The following IVD variants were observed in gnomAD, a reference collection of about 807,000 sequenced individuals.
IVD encodes isovaleryl-CoA dehydrogenase, also known as isovaleryl-CoA dehydrogenase, mitochondrial.
Under a neutral mutation model 51.3 loss-of-function variants are expected in IVD, and 31 were observed. The ratio of observed to expected loss-of-function variants is 0.60; its 90% CI spans 0.45 to 0.81. IVD has a LOEUF of 0.81. Ranked by LOEUF, IVD falls within the 40% of genes least tolerant of loss-of-function variation. The pLI is 0.00. For missense variants in IVD, 475 were observed against 552.0 expected (o/e 0.86, Z 1.40); for synonymous variants, 205 against 219.4 (o/e 0.93, Z 0.58).
At chr15:40,425,440 C>CTATATATATATA (rs72252183), downstream of IVD, among the ~76,000 whole-genome samples, 118 of 137,838 alleles carry the variant, frequency 8.6e-4, no homozygotes, top group African/African-American at 3.1e-3. Context: ...TGGACTCATA[C>CTATATATATATA]TATATATATA....
Position 40,410,502 on chromosome 15 carries a change from C to G in IVD, c.287-126C>G, listed in dbSNP as rs972275093. The G allele has an allele frequency of 3.6e-6, 4 of 1,112,916 alleles. No individual in the cohort carries two copies. In the South Asian group the frequency reaches 5.1e-5, roughly 14 times the overall value. 68.9% of individuals were successfully genotyped at this position (1,112,916 alleles called of 1,614,324 possible). A position where few individuals can be genotyped will look rare whatever the true frequency, so the allele number is the denominator to read the frequency against. ...CTGTGGCATCAGCTTATTCTTGTTG[C>G]TAGAGAGAATTTGGAGTAGGTGCTA... On this transcript the variant is annotated intron_variant, in intron 3 of 11. Coordinates refer to ENST00000487418, the MANE Select transcript of IVD (RefSeq NM_002225.5).
chr15:40,415,961 C>T, intron 9 of IVD, 117 bp from the exon 10 acceptor site: 1 of 872,558 alleles, frequency 1.1e-6, no homozygotes, highest in South Asian at 1.4e-5. Context: ...TAAATCCCAT[C>T]TCCTCTCCAT....
intron 7 of IVD, 190 bp from the exon 8 acceptor site, chr15:40,414,699 G>A: frequency 1.1e-6 from 1 of 936,578 alleles, no homozygotes. Context: ...TGGGAGTCCT[G>A]GCAGCTCCAC....
rs1325854341 is a variant in IVD at position 40,420,147 on chromosome 15, G to A, written c.*1884G>A. The A allele has an allele frequency of 3.0e-5, 28 of 947,904 alleles. 1 individual carries two copies. Among genetic ancestry groups the A allele is most frequent in the Middle Eastern group, 5.4e-4 (1 of 1,864 alleles). 58.7% of individuals were successfully genotyped at this position (947,904 alleles called of 1,614,324 possible). ...AATGAACACACATGCTGCTGAGTCCGCAGGGGGGGCAGAGCAGAGGACAGC... is the reference window on the plus strand; with the variant it reads ...AATGAACACACATGCTGCTGAGTCCACAGGGGGGGCAGAGCAGAGGACAGC... On this transcript the variant is annotated 3_prime_UTR_variant, in exon 12 of 12. Coordinates refer to ENST00000487418, the MANE Select transcript of IVD (RefSeq NM_002225.5).
At chr15:40,433,177 T>C (rs1476792398) in intron 7 of IVD, among the ~76,000 whole-genome samples, 1 of 152,184 alleles carries the variant, frequency 6.6e-6, no homozygotes, top group Admixed American at 6.5e-5. Context: ...CTATTTTATA[T>C]GTTAAATGCC....
intron 6 of IVD, 29 bp from the exon 7 acceptor site, chr15:40,412,962 A>G: frequency 1.2e-6 from 2 of 1,600,804 alleles, no homozygotes; most frequent in Non-Finnish European, 1.7e-6. Flanking sequence ...CTAATCTGTA[A>G]CCAGGACCAC....
intron 6 of IVD, among the ~76,000 whole-genome samples, chr15:40,412,072 G>A (rs769412720): frequency 3.9e-5 from 6 of 152,208 alleles, no homozygotes; most frequent in Non-Finnish European, 5.9e-5. Context: ...GACAACAGAA[G>A]CAAGAAGGAA....
At chr15:40,412,782 A>G (rs1452307391) in intron 6 of IVD, 1 of 578,676 alleles carries the variant, frequency 1.7e-6, no homozygotes, top group Non-Finnish European at 3.1e-6. Context: ...AACTGGGGAG[A>G]ACACAAGCTA....
intron 7 of IVD, among the ~76,000 whole-genome samples, chr15:40,413,845 C>T (rs1891354992): frequency 6.6e-6 from 1 of 151,920 alleles, no homozygotes. Flanking sequence ...CATGCGCCAC[C>T]CTGCCCAGCT....
At chr15:40,428,624 A>C (rs1308439004), downstream of IVD, among the ~76,000 whole-genome samples, 1 of 152,264 alleles carries the variant, frequency 6.6e-6, no homozygotes, top group Middle Eastern at 3.4e-3. Context: ...CTGGCCCTCC[A>C]GGCTGTCAGA....
chr15:40,424,181 A>G (rs1189199198), downstream of IVD: 1 of 1,288,154 alleles, frequency 7.8e-7, no homozygotes, highest in South Asian at 1.2e-5. Flanking sequence ...TGAACTATCA[A>G]GCTCCCCGCA....
chr15:40,430,663 C>T (rs886402799), intron 7 of IVD, among the ~76,000 whole-genome samples: 5 of 152,066 alleles, frequency 3.3e-5, no homozygotes, highest in Non-Finnish European at 2.9e-5. Context: ...CTATGGGTGG[C>T]GGCTTGGGAG....
At chr15:40,409,898 G>A (rs1480497911) in intron 3 of IVD, among the ~76,000 whole-genome samples, 1 of 148,610 alleles carries the variant, frequency 6.7e-6, no homozygotes, top group Non-Finnish European at 1.5e-5. Context: ...GTGCAGTGGC[G>A]CGATCTCGGC....
At position 40,420,825 on chromosome 15, in the gene IVD, C is replaced by G. The variant is rs984206384; in HGVS notation, c.*2562C>G. 1.3e-5 allele frequency: 13 copies of G among 985,428 alleles called. No individual in the cohort carries two copies. The highest frequency in any genetic ancestry group is 1.6e-5 in the Non-Finnish European group (13 of 830,020). The allele number at this position is 985,428 out of a possible 1,614,324, so 61.0% of individuals were successfully genotyped here. A position where few individuals can be genotyped will look rare whatever the true frequency, so the allele number is the denominator to read the frequency against. ...CTGAGAATTCCAGCTTTGGGCCGCA[C>G]TGTACAGCAGTCTGGATAGAGTGTG... On this transcript the variant is annotated 3_prime_UTR_variant, in exon 12 of 12. Coordinates refer to ENST00000487418, the MANE Select transcript of IVD (RefSeq NM_002225.5).
At chr15:40,416,035 G>A (rs779153931) in intron 9 of IVD, 43 bp from the exon 10 acceptor site, 74 of 1,582,394 alleles carry the variant, frequency 4.7e-5, no homozygotes, top group Non-Finnish European at 6.3e-5. Context: ...GTAACTGAGA[G>A]AGTGTTCCAG....
rs1416639726 is a variant in IVD, at chr15:40,418,688, C to A, written c.*425C>A. On this transcript the variant is annotated 3_prime_UTR_variant, in exon 12 of 12. Transcript: ENST00000487418. ...GCTCTGGCAAGGAGATCTCTCTGCTCAAGCACAGCAGAATCATGGCCCCTC... is the reference window on the plus strand; with the variant it reads ...GCTCTGGCAAGGAGATCTCTCTGCTAAAGCACAGCAGAATCATGGCCCCTC... The A allele has an allele frequency of 8.8e-7, 1 of 1,134,754 alleles. No individual in the cohort carries two copies. Among genetic ancestry groups the A allele is most frequent in the African/African-American group, 1.6e-5 (1 of 61,592 alleles). 70.3% of individuals were successfully genotyped at this position (1,134,754 alleles called of 1,614,324 possible). A position where few individuals can be genotyped will look rare whatever the true frequency, so the allele number is the denominator to read the frequency against.
chr15:40,407,493 C>G (rs1890568745), intron 1 of IVD, 143 bp from the exon 2 acceptor site: 2 of 735,862 alleles, frequency 2.7e-6, no homozygotes, highest in Admixed American at 1.9e-5. Context: ...TGAAGATCAT[C>G]TCTGAGGAGG....
At chr15:40,422,710 G>A (rs75542500), downstream of IVD, among the ~76,000 whole-genome samples, 1 of 136,404 alleles carries the variant, frequency 7.3e-6, no homozygotes, top group Non-Finnish European at 1.6e-5. Context: ...AGCGATTCTC[G>A]TGCCTTAGCC....
intron 7 of IVD, among the ~76,000 whole-genome samples, chr15:40,433,133 A>G (rs1387850644): frequency 2.0e-5 from 3 of 152,214 alleles, no homozygotes; most frequent in African/African-American, 7.2e-5. Context: ...ATGTAGAAAG[A>G]AGAAAGCTTT....
Sources: allele counts gnomAD v4.1 joint callset (sites outside exome capture counted in the v4.1 genomes callset), GRCh38; gene constraint gnomAD v4.1.1; transcripts MANE v1.5; gene names NCBI Gene and HGNC (gene_info 2026-07-23, HGNC 2026-07-21).